GALNT9: variants seen among roughly 807,000 people sequenced by gnomAD.
GALNT9 encodes the protein polypeptide N-acetylgalactosaminyltransferase 9, also known as GalNAc transferase 9.
A neutral mutation model predicts 63.1 loss-of-function variants in GALNT9; 47 were observed. That is an observed-to-expected ratio of 0.75 (90% CI 0.59 to 0.95). GALNT9 has a LOEUF of 0.95. Ranked by LOEUF, GALNT9 falls within the 40% of genes least tolerant of loss-of-function variation. The pLI is 0.00. For synonymous variants in GALNT9, 396 were observed against 365.7 expected (o/e 1.08, Z -0.94); for missense variants, 829 against 874.8 (o/e 0.95, Z 0.66).
At position 132,238,354 on chromosome 12, in the gene GALNT9, G is replaced by A. The variant is rs1878081587; in HGVS notation, c.1077+9556C>T. Among the ~76,000 whole-genome samples the A allele has an allele frequency of 6.6e-6, 1 of 152,032 alleles. No homozygotes were observed. The highest frequency in any genetic ancestry group is 1.5e-5 in the Non-Finnish European group (1 of 67,978). ...GACAGAGCTGGATGGGGGGCTTCAG[G>A]AGGGGCCGGGCAGGGGGACGTGGAG... On this transcript the variant is annotated intron_variant, in intron 6 of 10. Coordinates refer to ENST00000328957, the MANE Select transcript of GALNT9 (RefSeq NM_001122636.2). The surrounding 1 kb of genome is among the most constrained non-coding windows in gnomAD (Gnocchi z 6.5).
Position 132,316,984 on chromosome 12 carries a change from T to C in GALNT9, c.238+11982A>G, listed in dbSNP as rs1251436686. 5.0e-5 allele frequency among the ~76,000 whole-genome samples: 4 copies of C among 80,044 alleles called. No homozygotes were observed. Among genetic ancestry groups the C allele is most frequent in the African/African-American group, 1.0e-4 (2 of 19,764 alleles). The allele number at this position is 80,044 out of a possible 152,430, so 52.5% of individuals were successfully genotyped here. A position where few individuals can be genotyped will look rare whatever the true frequency, so the allele number is the denominator to read the frequency against. Reference sequence around the variant, plus strand: ...CTACACCCCACGGAGCATGGTCCTATTCTACACCCACAGAGCACAGCCTGC... The same window carrying C: ...CTACACCCCACGGAGCATGGTCCTACTCTACACCCACAGAGCACAGCCTGC... On this transcript the variant is annotated intron_variant, in intron 1 of 10. Transcript: ENST00000328957. The surrounding 1 kb of genome is among the most constrained non-coding windows in gnomAD (Gnocchi z 4.3).
chr12:132,243,795 G>A (rs1281144473), intron 6 of GALNT9, among the ~76,000 whole-genome samples: 2 of 152,126 alleles, frequency 1.3e-5, no homozygotes, highest in African/African-American at 2.4e-5. Context: ...GCCTGCCTGG[G>A]GACTGGGAAT....
intron 1 of GALNT9, among the ~76,000 whole-genome samples, chr12:132,292,270 A>G (rs374296528): frequency 6.6e-6 from 1 of 152,124 alleles, no homozygotes; most frequent in Non-Finnish European, 1.5e-5. Context: ...CCAGCGCCTC[A>G]TGTGTTCACA....
chr12:132,203,509 A>G lies in GALNT9; in HGVS notation c.1259T>C (p.Met420Thr). 2 of 1,613,662 alleles carry G rather than the reference A, an allele frequency of 1.2e-6. No homozygotes were observed. The highest frequency in any genetic ancestry group is 1.7e-6 in the Non-Finnish European group (2 of 1,179,662). The change falls in exon 7 of 11, where the codon ATG (methionine) becomes ACG (threonine). Residue 420 changes from methionine to threonine, a missense_variant. Met to Thr is a moderately conservative substitution (Grantham distance 81, BLOSUM62 -1). Coordinates refer to ENST00000328957, the MANE Select transcript of GALNT9 (RefSeq NM_001122636.2). ...CCCGGCCTGTGGGGGACTCACCGAC[A>G]TGGGGATGTTCCAGGCCATGTACAC... The part of the protein sequence containing the change: ...SHVYMAWNIP[M>T]SNPGVDFGDV...
intron 1 of GALNT9, among the ~76,000 whole-genome samples, chr12:132,317,402 C>T (rs1868564540): frequency 6.6e-6 from 1 of 152,214 alleles, no homozygotes; most frequent in African/African-American, 2.4e-5. Flanking sequence ...ACAGTGTGTG[C>T]CCAGGCCCAG....
chr12:132,260,912 G>C, intron 4 of GALNT9, 36 bp downstream of exon 4: 1 of 1,488,766 alleles, frequency 6.7e-7, no homozygotes, highest in East Asian at 2.6e-5. Flanking sequence ...AGGGGGACCC[G>C]CTGAGACTGG....
At chr12:132,217,599 T>TCCAC (rs1460261875) in intron 6 of GALNT9, among the ~76,000 whole-genome samples, 1 of 143,596 alleles carries the variant, frequency 7.0e-6, no homozygotes, top group African/African-American at 2.6e-5. Flanking sequence ...CATCCATCCA[T>TCCAC]CCATCCATCC....
chr12:132,240,603 C>G (rs140122185), intron 6 of GALNT9: 31,548 of 455,270 alleles, frequency 0.069, 1,335 homozygotes, highest in Middle Eastern at 0.091. Flanking sequence ...GGGCTCCGTG[C>G]GTGGCCCCGG....
chr12:132,325,543 C>A (rs1348175047), intron 1 of GALNT9, among the ~76,000 whole-genome samples: 2 of 152,226 alleles, frequency 1.3e-5, no homozygotes, highest in Non-Finnish European at 2.9e-5. Context: ...CCTTCTCTGA[C>A]CAGCAACTGG....
At position 132,315,657 on chromosome 12, in the gene GALNT9, C is replaced by G. The variant is rs1868477234; in HGVS notation, c.238+13309G>C. 6.6e-6 allele frequency among the ~76,000 whole-genome samples: 1 copy of G among 152,200 alleles called. No individual in the cohort carries two copies. Among genetic ancestry groups the G allele is most frequent in the Non-Finnish European group, 1.5e-5 (1 of 68,040 alleles). On this transcript the variant is annotated intron_variant, in intron 1 of 10. Transcript: ENST00000328957. This position sits in a 1 kb window ranked among gnomAD's most constrained non-coding sequence, Gnocchi z 6.1. ...AAGGTCGCGTCTTCTGGGCCAGTCT[C>G]TGTGAAGGCCACCAGTTCGGATCCC...
chr12:132,263,386 T>G (rs1162020167), intron 2 of GALNT9, among the ~76,000 whole-genome samples: 3 of 152,156 alleles, frequency 2.0e-5, no homozygotes, highest in African/African-American at 7.2e-5. Flanking sequence ...TTGCAAAATG[T>G]GTAAAACAGA....
rs528629029 is a variant in GALNT9, at chr12:132,310,729, C to T, written c.238+18237G>A. ...GCACAAATTGAGAGGCGGCCGGGCA[C>T]AAGATAATCGGGGAGGAAGGGGCAG... is the stretch of plus-strand genomic sequence containing the variant. On this transcript the variant is annotated intron_variant, in intron 1 of 10. Coordinates refer to ENST00000328957, the MANE Select transcript of GALNT9 (RefSeq NM_001122636.2). The surrounding 1 kb of genome is among the most constrained non-coding windows in gnomAD (Gnocchi z 4.8). Among the ~76,000 whole-genome samples, 1 of 152,122 alleles carries T rather than the reference C, an allele frequency of 6.6e-6. No individual in the cohort carries two copies. Among genetic ancestry groups the T allele is most frequent in the East Asian group, 1.9e-4 (1 of 5,184 alleles).
At position 132,279,486 on chromosome 12, in the gene GALNT9, C is replaced by A. The variant is rs1408807055; in HGVS notation, c.419+6764G>T. 1 of 152,548 alleles carries A rather than the reference C, an allele frequency of 6.6e-6. No homozygotes were observed. Among genetic ancestry groups the A allele is most frequent in the Non-Finnish European group, 1.5e-5 (1 of 68,318 alleles). 9.4% of individuals were successfully genotyped at this position (152,548 alleles called of 1,614,324 possible). On this transcript the variant is annotated intron_variant, in intron 2 of 10. Transcript: ENST00000328957. This position sits in a 1 kb window ranked among gnomAD's most constrained non-coding sequence, Gnocchi z 4.1. ...CAGCCCCATGCTGTCCCCTGTGCGA[C>A]CGCTGTGGGCTTCCTGCCAGGCTCC...
intron 6 of GALNT9, among the ~76,000 whole-genome samples, chr12:132,207,656 A>G (rs142398742): frequency 0.032 from 4,893 of 152,102 alleles, 246 homozygotes; most frequent in African/African-American, 0.11. Flanking sequence ...GGAGTCGGCC[A>G]ACTTCCATCA....
At chr12:132,248,964 G>C (rs1878814745) in intron 5 of GALNT9, among the ~76,000 whole-genome samples, 1 of 152,234 alleles carries the variant, frequency 6.6e-6, no homozygotes, top group African/African-American at 2.4e-5. Context: ...CTGCAGAGTG[G>C]AGCGGGAGGA....
chr12:132,268,023 A>G (rs1162229183), intron 2 of GALNT9, among the ~76,000 whole-genome samples: 1 of 150,906 alleles, frequency 6.6e-6, no homozygotes, highest in Non-Finnish European at 1.5e-5. Flanking sequence ...ACACACGAAC[A>G]CACATGAACA....
chr12:132,211,433 G>A (rs576339280), intron 6 of GALNT9, among the ~76,000 whole-genome samples: 5 of 152,216 alleles, frequency 3.3e-5, no homozygotes, highest in East Asian at 1.9e-4. Context: ...CTTTTGCACC[G>A]ACCTAGTACG....
intron 8 of GALNT9, among the ~76,000 whole-genome samples, chr12:132,199,985 G>A (rs1179472714): frequency 6.6e-6 from 1 of 152,258 alleles, no homozygotes; most frequent in African/African-American, 2.4e-5. Flanking sequence ...AAGCCCAGCA[G>A]AGTCTGGATG....
At chr12:132,269,174 G>A (rs1036741552) in intron 2 of GALNT9, among the ~76,000 whole-genome samples, 12 of 152,200 alleles carry the variant, frequency 7.9e-5, no homozygotes, top group South Asian at 2.1e-4. Context: ...GACCCAGGGC[G>A]GCCTCAGCGC....
Sources: gnomAD v4.1 joint callset for allele counts (sites outside exome capture counted in the v4.1 genomes callset) on GRCh38, gnomAD v4.1.1 for gene constraint, Gnocchi (gnomAD v3.1) non-coding constraint, MANE v1.5 for transcripts, NCBI Gene and HGNC (gene_info 2026-07-23, HGNC 2026-07-21) for gene names.